The following CRACR2A variants were observed in gnomAD, a reference collection of about 807,000 sequenced individuals.
CRACR2A encodes EF-hand calcium-binding domain-containing protein 4B.
In CRACR2A, 79 loss-of-function variants were observed where a neutral mutation model predicts 90.5. The ratio of observed to expected loss-of-function variants is 0.87; its 90% CI spans 0.73 to 1.05. CRACR2A has a LOEUF of 1.05. Among genes scored for constraint, CRACR2A ranks in the 50% least tolerant of loss-of-function variants. CRACR2A has a pLI of 0.00. For synonymous variants in CRACR2A, 338 were observed against 356.7 expected, an observed-to-expected ratio of 0.95 and a Z score of 0.59; for missense variants, 823 against 897.2, an observed-to-expected ratio of 0.92 and a Z score of 1.06.
In CRACR2A at chr12:3,746,874, G is replaced by T. The variant is rs1946635798; in HGVS notation, c.-387+6141C>A. 6.6e-6 allele frequency among the ~76,000 whole-genome samples: 1 copy of T among 152,208 alleles called. No individual in the cohort carries two copies. The highest frequency in any genetic ancestry group is 2.4e-5 in the African/African-American group (1 of 41,450). On this transcript the variant is annotated intron_variant, in intron 1 of 19. Coordinates refer to ENST00000440314, the MANE Select transcript of CRACR2A (RefSeq NM_001144958.2). This position sits in a 1 kb window ranked among gnomAD's most constrained non-coding sequence, Gnocchi z 4.4. ...CAACAAGGGGAGGAGTACACCCTTA[G>T]CATGGAACTCAACCACAAGCTCTCA...
chr12:3,687,972 A>AC (rs1187296527), intron 4 of CRACR2A, among the ~76,000 whole-genome samples: 4 of 151,926 alleles, frequency 2.6e-5, no homozygotes, highest in African/African-American at 9.7e-5. Context: ...TGCTTGTTGG[A>AC]CACATGTATG....
chr12:3,713,166 C>T (rs1274902156), intron 3 of CRACR2A, 71 bp downstream of exon 3: 3 of 743,220 alleles, frequency 4.0e-6, no homozygotes, highest in East Asian at 2.6e-4. Flanking sequence ...AAGGCAGGGC[C>T]TGAAGTTGGG....
chr12:3,677,284 G>C (rs242030), intron 6 of CRACR2A, among the ~76,000 whole-genome samples: 1 of 152,032 alleles, frequency 6.6e-6, no homozygotes, highest in African/African-American at 2.4e-5. Flanking sequence ...TCTCACAGCC[G>C]TGAATGTTTC....
chr12:3,677,952 C>T (rs1288159032), intron 6 of CRACR2A, among the ~76,000 whole-genome samples: 6 of 152,192 alleles, frequency 3.9e-5, no homozygotes, highest in Admixed American at 3.3e-4. Context: ...GCCTGCAAAT[C>T]GTATATAGGC....
intron 1 of CRACR2A, among the ~76,000 whole-genome samples, chr12:3,741,473 A>G (rs770342288): frequency 2.0e-5 from 3 of 152,264 alleles, no homozygotes; most frequent in Non-Finnish European, 2.9e-5. Context: ...CACAAAAATA[A>G]GCAACGCCCA....
intron 2 of CRACR2A, among the ~76,000 whole-genome samples, chr12:3,724,190 G>A (rs963221547): frequency 1.3e-5 from 2 of 152,226 alleles, no homozygotes; most frequent in Middle Eastern, 6.8e-3. Context: ...TATACTCAGG[G>A]TGAGCTCTCT....
At chr12:3,638,044 C>T (rs1944489285) in intron 14 of CRACR2A, 80 bp downstream of exon 14, 2 of 1,394,226 alleles carry the variant, frequency 1.4e-6, no homozygotes, top group East Asian at 5.0e-5. Flanking sequence ...CCTGAGCTGC[C>T]TCTCCGGGCG....
At chr12:3,648,468 A>G (rs1053416953) in intron 11 of CRACR2A, 74 bp downstream of exon 11, 1 of 1,607,592 alleles carries the variant, frequency 6.2e-7, no homozygotes, top group African/African-American at 1.3e-5. Context: ...GGCAAGGATG[A>G]CCCTCAGACT....
intron 3 of CRACR2A, among the ~76,000 whole-genome samples, chr12:3,709,480 T>C (rs1194700007): frequency 1.3e-5 from 2 of 152,248 alleles, no homozygotes; most frequent in Non-Finnish European, 2.9e-5. Flanking sequence ...CCTGACTCTT[T>C]ACAACCTCAG....
At chr12:3,729,696 C>T (rs1946329715) in intron 2 of CRACR2A, 1 of 152,186 alleles carries the variant, frequency 6.6e-6, no homozygotes. Flanking sequence ...GAGCGAGACT[C>T]TGTCTCAAGA....
chr12:3,729,419 T>G (rs959759041), intron 2 of CRACR2A: 1 of 152,134 alleles, frequency 6.6e-6, no homozygotes, highest in Non-Finnish European at 1.5e-5. Flanking sequence ...TAAAAAGACT[T>G]TGGGGCCGGG....
chr12:3,720,407 G>A (rs1946145561), intron 2 of CRACR2A, among the ~76,000 whole-genome samples: 1 of 139,264 alleles, frequency 7.2e-6, no homozygotes. Context: ...GGGACGGAGT[G>A]AGAGAGAGGA....
intron 14 of CRACR2A, among the ~76,000 whole-genome samples, chr12:3,635,914 G>T (rs1353889245): frequency 1.3e-5 from 2 of 152,242 alleles, no homozygotes; most frequent in African/African-American, 4.8e-5. Flanking sequence ...TTTATTTACA[G>T]AAATTTGAGA....
At chr12:3,620,627 G>A (rs1944112341) in intron 17 of CRACR2A, among the ~76,000 whole-genome samples, 1 of 152,194 alleles carries the variant, frequency 6.6e-6, no homozygotes, top group Non-Finnish European at 1.5e-5. Context: ...CATAAGCACT[G>A]AATTATGAGA....
rs376425718 is a variant in CRACR2A, at chr12:3,713,397, A to G, written c.-117-80T>C. ...AGAAGTGGCTTTATAGCAATTTTGGAAAAACTTGGGAGGAAACATTGCTCC... is the reference window on the plus strand; with the variant it reads ...AGAAGTGGCTTTATAGCAATTTTGGGAAAACTTGGGAGGAAACATTGCTCC... On this transcript the variant is annotated intron_variant, in intron 2 of 19. Transcript: ENST00000440314. The G allele has an allele frequency of 2.0e-5, 15 of 740,676 alleles. No individual in the cohort carries two copies. The African/African-American group carries it at 2.3e-4, about 11-fold the overall frequency. 45.9% of individuals were successfully genotyped at this position (740,676 alleles called of 1,614,324 possible).
At chr12:3,722,242 G>A (rs889259768) in intron 2 of CRACR2A, among the ~76,000 whole-genome samples, 3 of 152,296 alleles carry the variant, frequency 2.0e-5, no homozygotes, top group Non-Finnish European at 4.4e-5. Flanking sequence ...AGGTTATAAG[G>A]AGTCATCAAG....
At chr12:3,675,896 T>G (rs1194006021) in intron 6 of CRACR2A, among the ~76,000 whole-genome samples, 1 of 152,180 alleles carries the variant, frequency 6.6e-6, no homozygotes, top group Non-Finnish European at 1.5e-5. Flanking sequence ...GGATATTCAA[T>G]AGTGCCATGC....
chr12:3,659,498 C>A lies in CRACR2A; in HGVS notation c.762+66G>T, dbSNP rs960280863. 4.8e-6 allele frequency: 7 copies of A among 1,467,208 alleles called. No homozygotes were observed. The East Asian group carries it at 1.4e-4, about 29-fold the overall frequency. 90.9% of individuals were successfully genotyped at this position (1,467,208 alleles called of 1,614,324 possible). On this transcript the variant is annotated intron_variant, in intron 8 of 19. Transcript: ENST00000440314. ...TGGATGGGGGCACCAAAATCTTAAACCTGGGGGAGACAGAGCAGATATGTC... is the reference window on the plus strand; with the variant it reads ...TGGATGGGGGCACCAAAATCTTAAAACTGGGGGAGACAGAGCAGATATGTC...
intron 4 of CRACR2A, among the ~76,000 whole-genome samples, chr12:3,688,452 T>C (rs1945601821): frequency 6.6e-6 from 1 of 152,232 alleles, no homozygotes; most frequent in South Asian, 2.1e-4. Flanking sequence ...GGGAGTCCTT[T>C]CCCCATTGCT....
Sources: gnomAD v4.1 joint callset for allele counts (sites outside exome capture counted in the v4.1 genomes callset) on GRCh38, gnomAD v4.1.1 for gene constraint, Gnocchi (gnomAD v3.1) non-coding constraint, MANE v1.5 for transcripts, NCBI Gene and HGNC (gene_info 2026-07-23, HGNC 2026-07-21) for gene names.